MRTO4: variants seen among roughly 807,000 people sequenced by gnomAD.
MRTO4 encodes the protein mRNA turnover protein 4 homolog.
In MRTO4, 7 loss-of-function variants were observed where a neutral mutation model predicts 28.6. That is an observed-to-expected ratio of 0.24 (90% CI 0.14 to 0.46). MRTO4 has a LOEUF of 0.46. Among genes scored for constraint, MRTO4 ranks in the 20% least tolerant of loss-of-function variants. The pLI is 0.99. For missense variants in MRTO4, 302 were observed against 298.3 expected (o/e 1.01, Z -0.09); for synonymous variants, 113 against 108.2 (o/e 1.04, Z -0.27).
At chr1:19,257,599 TC>T (rs2093673469) in intron 5 of MRTO4, 78 bp downstream of exon 5, 4 of 1,565,902 alleles carry the variant, frequency 2.6e-6, no homozygotes, top group Middle Eastern at 1.7e-4. Flanking sequence ...GGAACTTCGT[TC>T]CATATGTGGC....
In MRTO4 at chr1:19,258,567, CTTGCGGGCTG is replaced by C; in HGVS notation, c.570+23_570+32del. The stretch of plus-strand genomic sequence containing the variant: ...GCTCGCGTCCTGGTGAGTCTGGCGC[CTTGCGGGCTG>C]TTGCGGGCGGGGTTGCTGGCTTTCC... On this transcript the variant is annotated intron_variant, in intron 7 of 7. Transcript: ENST00000330263. The C allele has an allele frequency of 1.2e-6, 2 of 1,614,072 alleles. No individual in the cohort carries two copies. The highest frequency in any genetic ancestry group is 8.5e-7 in the Non-Finnish European group (1 of 1,180,040).
intron 1 of MRTO4, chr1:19,252,219 C>T (rs956485513): frequency 1.1e-5 from 4 of 350,236 alleles, no homozygotes; most frequent in East Asian, 1.2e-4. Context: ...CTCCCGCCAC[C>T]CTGGCTGCCT....
At chr1:19,253,505 A>G (rs920004887) in intron 1 of MRTO4, among the ~76,000 whole-genome samples, 3 of 152,144 alleles carry the variant, frequency 2.0e-5, no homozygotes, top group Non-Finnish European at 4.4e-5. Flanking sequence ...ATTTACCTTT[A>G]CTTATGAAGG....
In MRTO4 at chr1:19,259,356, C is replaced by G. The variant is rs2093676853; in HGVS notation, c.*526C>G. ...AGAGGGCTCTTTCTTAGAAAAGAGG[C>G]CTTTGGTGAGCCCAGAAGTTTGAAA... is the stretch of plus-strand genomic sequence containing the variant. On this transcript the variant is annotated 3_prime_UTR_variant, in exon 8 of 8. Transcript: ENST00000330263. The G allele has an allele frequency of 6.6e-6, 1 of 152,198 alleles. No individual in the cohort carries two copies. The highest frequency in any genetic ancestry group is 2.1e-4 in the South Asian group (1 of 4,830). 9.4% of individuals were successfully genotyped at this position (152,198 alleles called of 1,614,324 possible). A position where few individuals can be genotyped will look rare whatever the true frequency, so the allele number is the denominator to read the frequency against.
intron 1 of MRTO4, among the ~76,000 whole-genome samples, chr1:19,254,226 C>G (rs965778463): frequency 3.9e-5 from 6 of 152,132 alleles, no homozygotes; most frequent in Admixed American, 3.9e-4. Context: ...ACAAAACTCA[C>G]CTGGGCATGG....
intron 7 of MRTO4, 24 bp from the exon 8 acceptor site, chr1:19,258,657 C>A (rs762295850): frequency 1.9e-6 from 3 of 1,613,946 alleles, no homozygotes; most frequent in East Asian, 2.2e-5. Context: ...CCTCCTGATT[C>A]TTTGTTCCCT....
chr1:19,254,947 G>GA, intron 2 of MRTO4, 107 bp downstream of exon 2: 5 of 882,210 alleles, frequency 5.7e-6, no homozygotes, highest in Non-Finnish European at 8.2e-6. Flanking sequence ...ATACTAGTGG[G>GA]GAAAAAAAAA....
At chr1:19,257,222 C>T (rs2093672694) in intron 4 of MRTO4, 77 bp downstream of exon 4, 13 of 1,495,704 alleles carry the variant, frequency 8.7e-6, no homozygotes, top group Middle Eastern at 1.9e-4. Context: ...GACAGCCTCC[C>T]CCAGCCATTG....
At chr1:19,255,762 C>T (rs1301883272) in intron 2 of MRTO4, among the ~76,000 whole-genome samples, 186 bp from the exon 3 acceptor site, 1 of 151,354 alleles carries the variant, frequency 6.6e-6, no homozygotes, top group African/African-American at 2.4e-5. Flanking sequence ...CATGGCTCAG[C>T]CTCCCCTGTG....
At chr1:19,252,526 C>T (rs2093663571) in intron 1 of MRTO4, among the ~76,000 whole-genome samples, 1 of 152,142 alleles carries the variant, frequency 6.6e-6, no homozygotes, top group Non-Finnish European at 1.5e-5. Context: ...GGTGAAACCC[C>T]TTTTCTACTA....
In MRTO4 at chr1:19,257,753, G is replaced by A. The variant is rs570084128; in HGVS notation, c.342-80G>A. On this transcript the variant is annotated intron_variant, in intron 5 of 7. Transcript: ENST00000330263. ...GTGATGGGGGAAGGCCCAGGGCCAC[G>A]GGACACTTGGGGGAGCCTGACTCAT... The A allele has an allele frequency of 4.0e-4, 621 of 1,558,500 alleles. 3 individuals carry two copies. The South Asian group carries it at 5.0e-3, about 13-fold the overall frequency.
chr1:19,257,166 G>A (rs1240641914), intron 4 of MRTO4, 21 bp downstream of exon 4: 3 of 1,611,902 alleles, frequency 1.9e-6, no homozygotes, highest in Non-Finnish European at 2.5e-6. Context: ...GGCCCTCACG[G>A]GGTGGAGCTA....
At chr1:19,255,627 T>G (rs1180286366) in intron 2 of MRTO4, among the ~76,000 whole-genome samples, 1 of 152,196 alleles carries the variant, frequency 6.6e-6, no homozygotes, top group Non-Finnish European at 1.5e-5. Context: ...AGAGGCTCCA[T>G]GTGTTTCCAT....
chr1:19,256,985 G>C, intron 3 of MRTO4, 79 bp from the exon 4 acceptor site: 1 of 1,397,614 alleles, frequency 7.2e-7, no homozygotes, highest in Non-Finnish European at 1.0e-6. Context: ...ACTGGGGACC[G>C]GAGCTACTTT....
chr1:19,254,275 A>G (rs982837932), intron 1 of MRTO4, among the ~76,000 whole-genome samples: 1 of 152,136 alleles, frequency 6.6e-6, no homozygotes, highest in East Asian at 1.9e-4. Flanking sequence ...TTAGCAGGCC[A>G]TGGTGGTGTG....
intron 6 of MRTO4, 140 bp from the exon 7 acceptor site, chr1:19,258,335 CAG>C (rs2093674705): frequency 6.8e-6 from 7 of 1,028,768 alleles, no homozygotes; most frequent in South Asian, 5.5e-5. Context: ...AAAGGGACCT[CAG>C]GGAGACAGCC....
In MRTO4 at chr1:19,258,998, C is replaced by A. The variant is rs1009064455; in HGVS notation, c.*168C>A. The A allele has an allele frequency of 3.6e-6, 3 of 841,312 alleles. No individual in the cohort carries two copies. The highest frequency in any genetic ancestry group is 5.3e-6 in the Non-Finnish European group (3 of 566,036). 52.1% of individuals were successfully genotyped at this position (841,312 alleles called of 1,614,324 possible). ...AAACTGTGGGCCGGGCGCGGTGGCT[C>A]ACGCCTGGAATCCCAGCACTTTGGG... On this transcript the variant is annotated 3_prime_UTR_variant, in exon 8 of 8. Coordinates refer to ENST00000330263, the MANE Select transcript of MRTO4 (RefSeq NM_016183.4).
intron 2 of MRTO4, among the ~76,000 whole-genome samples, 183 bp from the exon 3 acceptor site, chr1:19,255,765 C>T (rs1398270551): frequency 7.2e-6 from 1 of 138,422 alleles, no homozygotes; most frequent in African/African-American, 2.7e-5. Flanking sequence ...GGCTCAGCCT[C>T]CCCTGTGGTT....
chr1:19,251,808 G>A lies in MRTO4; in HGVS notation c.-28G>A, dbSNP rs1277657201. Reference sequence around the variant, plus strand: ...CGCCGGGGTCCTAACGGGGTGCACCGTCTTCCGCCGCACGTGGATTCAGCG... The same window carrying A: ...CGCCGGGGTCCTAACGGGGTGCACCATCTTCCGCCGCACGTGGATTCAGCG... On this transcript the variant is annotated 5_prime_UTR_variant, in exon 1 of 8. Transcript: ENST00000330263. 2 of 1,563,632 alleles carry A rather than the reference G, an allele frequency of 1.3e-6. No homozygotes were observed. The highest frequency in any genetic ancestry group is 1.7e-6 in the Non-Finnish European group (2 of 1,155,128).
Sources: gnomAD v4.1 joint callset for allele counts (sites outside exome capture counted in the v4.1 genomes callset) on GRCh38, gnomAD v4.1.1 for gene constraint, MANE v1.5 for transcripts, NCBI Gene and HGNC (gene_info 2026-07-23, HGNC 2026-07-21) for gene names.